Variants in MAEL observed in about 807,000 individuals in gnomAD.
The protein encoded by MAEL is maelstrom spermatogenic transposon silencer.
A neutral mutation model predicts 62.0 loss-of-function variants in MAEL; 46 were observed. That is an observed-to-expected ratio of 0.74 (90% CI 0.59 to 0.95). MAEL has a LOEUF of 0.95. Among genes scored for constraint, MAEL ranks in the 40% least tolerant of loss-of-function variants. MAEL has a pLI of 0.00. For synonymous variants in MAEL, 172 were observed against 175.5 expected, an observed-to-expected ratio of 0.98 and a Z score of 0.16; for missense variants, 497 against 526.8, an observed-to-expected ratio of 0.94 and a Z score of 0.55.
chr1:167,004,976 C>G (rs574621064), intron 6 of MAEL, 100 bp from the exon 7 acceptor site: 1 of 1,158,356 alleles, frequency 8.6e-7, no homozygotes, highest in South Asian at 1.4e-5. Context: ...CCCTACCTCC[C>G]AACCCCCACA....
At chr1:167,016,584 C>A (rs1665398723) in intron 9 of MAEL, among the ~76,000 whole-genome samples, 1 of 151,976 alleles carries the variant, frequency 6.6e-6, no homozygotes, top group Admixed American at 6.6e-5. Context: ...TGGACGTTCT[C>A]CAAAAAACTA....
intron 1 of MAEL, among the ~76,000 whole-genome samples, chr1:166,978,998 A>T (rs1312522004): frequency 1.3e-5 from 2 of 152,236 alleles, no homozygotes; most frequent in African/African-American, 4.8e-5. Flanking sequence ...CAGAATTAGG[A>T]CACAGAGAAA....
Position 166,992,694 on chromosome 1 carries a change from G to A in MAEL, c.334G>A (p.Gly112Arg). 1.3e-6 allele frequency: 2 copies of A among 1,586,004 alleles called. No homozygotes were observed. Among genetic ancestry groups the A allele is most frequent in the East Asian group, 2.3e-5 (1 of 43,802 alleles). The stretch of plus-strand genomic sequence containing the variant: ...TTACAATTTTTTTTTAGCTCTCCTT[G>A]GAGGCATTTTTTATTTTTTGAACAT... ...LSLKGDQALL[G>R]GIFYFLNIFS... is the part of the protein sequence containing the mutation. Residue 112 changes from glycine to arginine, a missense_variant, in exon 4 of 12, where the codon GGA becomes AGA. Physicochemically the swap from Gly to Arg is moderately radical, Grantham distance 125. Coordinates refer to ENST00000367872, the MANE Select transcript of MAEL (RefSeq NM_032858.3).
Position 167,022,007 on chromosome 1 carries a change from G to A in MAEL, c.*152G>A, listed in dbSNP as rs574827954. The A allele has an allele frequency of 1.3e-4, 80 of 602,418 alleles. 1 individual carries two copies. Among genetic ancestry groups the A allele is most frequent in the Admixed American group, 7.3e-4 (20 of 27,528 alleles). 37.3% of individuals were successfully genotyped at this position (602,418 alleles called of 1,614,324 possible). A position where few individuals can be genotyped will look rare whatever the true frequency, so the allele number is the denominator to read the frequency against. On this transcript the variant is annotated 3_prime_UTR_variant, in exon 12 of 12. Transcript: ENST00000367872. ...ATTGTTTCATAGATTTAAAAAAATT[G>A]TGGTTGGAGAGCATCTTGGCATTTG...
intron 1 of MAEL, 48 bp from the exon 2 acceptor site, chr1:166,989,689 G>A (rs1227832591): frequency 7.6e-6 from 12 of 1,580,696 alleles, no homozygotes; most frequent in East Asian, 2.2e-5. Context: ...CCTAGAGCAC[G>A]GGATCCTCAC....
chr1:166,992,589 T>G, intron 3 of MAEL, 97 bp from the exon 4 acceptor site: 1 of 851,506 alleles, frequency 1.2e-6, no homozygotes, highest in Non-Finnish European at 1.7e-6. Flanking sequence ...AAGAAAATTG[T>G]TCTAAAACAT....
At chr1:166,983,390 A>T (rs2102059426) in intron 1 of MAEL, among the ~76,000 whole-genome samples, 1 of 150,398 alleles carries the variant, frequency 6.6e-6, no homozygotes, top group East Asian at 2.0e-4. Context: ...CTCTCTCTTC[A>T]CTCTCTCCTT....
chr1:166,999,548 A>G (rs768557070), intron 5 of MAEL, among the ~76,000 whole-genome samples: 9 of 152,252 alleles, frequency 5.9e-5, no homozygotes, highest in Non-Finnish European at 1.3e-4. Context: ...CTATAACATA[A>G]AAGTGCAAAG....
chr1:166,989,527 G>A, intron 1 of MAEL, 43 bp downstream of exon 1: 1 of 1,567,088 alleles, frequency 6.4e-7, no homozygotes, highest in Non-Finnish European at 8.7e-7. Flanking sequence ...GGGCAGTTGG[G>A]CAAGCCGGAG....
In MAEL at chr1:167,021,942, C is replaced by A; in HGVS notation, c.*87C>A. On this transcript the variant is annotated 3_prime_UTR_variant, in exon 12 of 12. Coordinates refer to ENST00000367872, the MANE Select transcript of MAEL (RefSeq NM_032858.3). The stretch of plus-strand genomic sequence containing the variant: ...CATATTAAACAGATCACATCAATGA[C>A]AAATGTCACTACTATAAAAACTACT... 1 of 799,146 alleles carries A rather than the reference C, an allele frequency of 1.3e-6. No individual in the cohort carries two copies. Among genetic ancestry groups the A allele is most frequent in the East Asian group, 2.7e-5 (1 of 36,822 alleles). The allele number at this position is 799,146 out of a possible 1,614,324, so 49.5% of individuals were successfully genotyped here.
chr1:167,001,055 A>G (rs537542062), intron 5 of MAEL, among the ~76,000 whole-genome samples: 4 of 152,254 alleles, frequency 2.6e-5, no homozygotes, highest in South Asian at 2.1e-4. Context: ...ATATGTGTGT[A>G]TATATATGAT....
chr1:166,987,060 C>T (rs7554962), upstream of MAEL, among the ~76,000 whole-genome samples: 39,705 of 151,362 alleles, frequency 0.26, 5,573 homozygotes, highest in African/African-American at 0.37. Context: ...TAAAATGAAA[C>T]ACACCTATTT....
intron 3 of MAEL, 137 bp downstream of exon 3, chr1:166,991,614 T>C (rs892451290): frequency 1.2e-4 from 69 of 565,410 alleles, no homozygotes; most frequent in Non-Finnish European, 2.1e-4. Flanking sequence ...ATTGTGGTAC[T>C]GACATTATAA....
chr1:167,003,470 A>G (rs1324932375), intron 5 of MAEL, among the ~76,000 whole-genome samples: 1 of 152,178 alleles, frequency 6.6e-6, no homozygotes, highest in Admixed American at 6.5e-5. Context: ...GACTTATGAT[A>G]ATGTTAACTT....
chr1:166,982,362 T>C (rs1444833992), intron 1 of MAEL, among the ~76,000 whole-genome samples: 1 of 152,206 alleles, frequency 6.6e-6, no homozygotes, highest in Non-Finnish European at 1.5e-5. Context: ...CTCAATTTCC[T>C]TTTCTGCAAT....
chr1:167,021,040 A>G (rs755408174), intron 10 of MAEL, 45 bp from the exon 11 acceptor site: 2 of 1,377,056 alleles, frequency 1.5e-6, no homozygotes, highest in African/African-American at 2.9e-5. Context: ...AGTAATGAAT[A>G]AGAAATAAAC....
upstream of MAEL, among the ~76,000 whole-genome samples, chr1:166,987,631 T>C (rs796307807): frequency 3.3e-5 from 5 of 152,366 alleles, no homozygotes; most frequent in African/African-American, 1.2e-4. Context: ...CCATATTTTA[T>C]ACCAATACAC....
In MAEL at chr1:166,989,420, G is replaced by A; in HGVS notation, c.68G>A (p.Arg23Gln). ...GTGCAGGAGAAGATCCCCGAACTACGGCGACGAGGCCTGCCTGTGGCTCGC... is the reference window on the plus strand; with the variant it reads ...GTGCAGGAGAAGATCCCCGAACTACAGCGACGAGGCCTGCCTGTGGCTCGC... Reference protein sequence around the residue: ...FFVQEKIPELRRRGLPVARVA... With the variant: ...FFVQEKIPELQRRGLPVARVA... The change falls in exon 1 of 12, where the codon CGG (arginine) becomes CAG (glutamine). Residue 23 changes from arginine (R) to glutamine (Q), a missense_variant. By Grantham distance (43) the Arg-to-Gln change is conservative (BLOSUM62 1). Transcript: ENST00000367872. 1.2e-6 allele frequency: 2 copies of A among 1,602,626 alleles called. No individual in the cohort carries two copies. Among genetic ancestry groups the A allele is most frequent in the Non-Finnish European group, 1.7e-6 (2 of 1,174,922 alleles).
At chr1:166,995,480 T>C (rs1664386066) in intron 5 of MAEL, among the ~76,000 whole-genome samples, 1 of 151,968 alleles carries the variant, frequency 6.6e-6, no homozygotes, top group Non-Finnish European at 1.5e-5. Flanking sequence ...CCTCAGGTGA[T>C]CTGCCTGCCT....
Sources: allele counts gnomAD v4.1 joint callset (sites outside exome capture counted in the v4.1 genomes callset), GRCh38; gene constraint gnomAD v4.1.1; transcripts MANE v1.5; gene names NCBI Gene and HGNC (gene_info 2026-07-23, HGNC 2026-07-21).